LINGO2: variants seen among roughly 807,000 people sequenced by gnomAD.
LINGO2 encodes leucine rich repeat and Ig domain containing 2, also known as leucine-rich repeat and immunoglobulin-like domain-containing nogo receptor-interacting protein 2.
Under a neutral mutation model 30.6 loss-of-function variants are expected in LINGO2, and 14 were observed. The ratio of observed to expected loss-of-function variants is 0.46; its 90% CI spans 0.30 to 0.72. The LOEUF is 0.72. LINGO2 is among the 30% of genes least tolerant of loss of function. The pLI, the probability that LINGO2 is intolerant of heterozygous loss-of-function variation, is 0.07. For synonymous variants in LINGO2, 317 were observed against 288.5 expected, an observed-to-expected ratio of 1.10 and a Z score of -1.00; for missense variants, 729 against 751.7, an observed-to-expected ratio of 0.97 and a Z score of 0.35.
At chr9:28,172,144 C>A (rs1423751884) in intron 4 of LINGO2, among the ~76,000 whole-genome samples, 3 of 151,144 alleles carry the variant, frequency 2.0e-5, no homozygotes, top group Non-Finnish European at 4.4e-5. Flanking sequence ...GTAATCCCAG[C>A]ACTTTGGGAG....
intron 4 of LINGO2, among the ~76,000 whole-genome samples, chr9:28,097,130 A>T (rs530301467): frequency 6.6e-6 from 1 of 152,158 alleles, no homozygotes; most frequent in Non-Finnish European, 1.5e-5. Context: ...CAAAACCACA[A>T]TGAGATACCA....
chr9:28,482,338 T>A (rs2135228142), intron 1 of LINGO2, among the ~76,000 whole-genome samples: 1 of 152,270 alleles, frequency 6.6e-6, no homozygotes, highest in South Asian at 2.1e-4. Flanking sequence ...AGATGGTATC[T>A]CACTGTGGTT....
At chr9:28,908,115 T>A in the LINGO2 span, among the ~76,000 whole-genome samples, 2 of 149,582 alleles carry the variant, frequency 1.3e-5, no homozygotes, top group South Asian at 4.2e-4. Flanking sequence ...ATAGAAACTA[T>A]TACATCTTCA....
chr9:28,334,782 C>G (rs1185923612), intron 3 of LINGO2, among the ~76,000 whole-genome samples: 5 of 152,082 alleles, frequency 3.3e-5, no homozygotes, highest in Admixed American at 6.6e-5. Context: ...AGTCATGAAC[C>G]TGAAATGATC....
intron 2 of LINGO2, among the ~76,000 whole-genome samples, chr9:28,404,791 G>C (rs1192239961): frequency 6.6e-6 from 1 of 152,102 alleles, no homozygotes; most frequent in Non-Finnish European, 1.5e-5. Context: ...TGGCAAGGCT[G>C]AATAATTTCA....
At chr9:28,340,076 T>C (rs982768908) in intron 3 of LINGO2, among the ~76,000 whole-genome samples, 2 of 152,284 alleles carry the variant, frequency 1.3e-5, no homozygotes, top group East Asian at 3.9e-4. Flanking sequence ...ATATATACTA[T>C]TGTTTTGCCA....
intron 2 of LINGO2, among the ~76,000 whole-genome samples, chr9:28,464,165 T>A (rs1056263301): frequency 2.6e-5 from 4 of 152,190 alleles, no homozygotes; most frequent in South Asian, 4.1e-4. Context: ...TATTTTCCCA[T>A]GTAATTAAAT....
At chr9:28,848,379 GTGTGTGTGTGTGTGTGTGTA>G in the LINGO2 span, among the ~76,000 whole-genome samples, 1 of 52,640 alleles carries the variant, frequency 1.9e-5, no homozygotes, top group African/African-American at 5.6e-5. Context: ...GTGTGTGTGT[GTGTGTGTGTGTGTGTGTGTA>G]TATATATATA....
At chr9:28,636,305 G>C (rs963527392) in intron 1 of LINGO2, among the ~76,000 whole-genome samples, 1 of 152,114 alleles carries the variant, frequency 6.6e-6, no homozygotes, top group African/African-American at 2.4e-5. Context: ...TGTCTTTATA[G>C]CAGCATGTTT....
chr9:28,031,034 T>A (rs1211144458), intron 4 of LINGO2, among the ~76,000 whole-genome samples: 1 of 152,156 alleles, frequency 6.6e-6, no homozygotes, highest in African/African-American at 2.4e-5. Flanking sequence ...ATCTTATACT[T>A]TCCCAATTCT....
the LINGO2 span, among the ~76,000 whole-genome samples, chr9:28,993,457 T>A: frequency 3.9e-5 from 6 of 152,148 alleles, no homozygotes; most frequent in African/African-American, 1.4e-4. Flanking sequence ...ACTGGTAACA[T>A]TCCTTCTGAA....
chr9:28,178,717 A>C (rs533431457), intron 4 of LINGO2, among the ~76,000 whole-genome samples: 1 of 152,146 alleles, frequency 6.6e-6, no homozygotes, highest in South Asian at 2.1e-4. Context: ...CTGAGTTCTC[A>C]TGTTTTTATT....
chr9:28,860,985 T>C, the LINGO2 span, among the ~76,000 whole-genome samples: 5 of 123,888 alleles, frequency 4.0e-5, no homozygotes, highest in African/African-American at 6.4e-5. Flanking sequence ...TATAAATCTA[T>C]AATATATTAT....
chr9:28,751,059 G>A, the LINGO2 span, among the ~76,000 whole-genome samples: 1 of 151,744 alleles, frequency 6.6e-6, no homozygotes, highest in Non-Finnish European at 1.5e-5. Context: ...GAGAACAGGA[G>A]TTTGAGACCA....
chr9:28,154,537 G>A lies in LINGO2; in HGVS notation c.-87+140671C>T, dbSNP rs149112885. 3.9e-5 allele frequency among the ~76,000 whole-genome samples: 6 copies of A among 151,992 alleles called. No individual in the cohort carries two copies. The South Asian group carries it at 8.3e-4, about 21-fold the overall frequency. On this transcript the variant is annotated intron_variant, in intron 4 of 5. Transcript: ENST00000379992. The stretch of plus-strand genomic sequence containing the variant: ...ATTTTCCTGTAATGGAGGAAATGAG[G>A]GTTTATTCACAGAGTACTGTGTTTC...
At chr9:28,901,062 A>ACAATAAGAGACTAAAAGCATATTATG in the LINGO2 span, among the ~76,000 whole-genome samples, 1 of 152,300 alleles carries the variant, frequency 6.6e-6, no homozygotes, top group Admixed American at 6.5e-5. Flanking sequence ...AATCTTAAAA[A>ACAATAAGAGACTAAAAGCATATTATG]CAATAAGAGA....
chr9:28,837,649 A>AATATATATATATATATATATATATAT, the LINGO2 span, among the ~76,000 whole-genome samples: 155 of 75,756 alleles, frequency 2.0e-3, 14 homozygotes, highest in Non-Finnish European at 2.7e-3. Context: ...CTCCGTCTAA[A>AATATATATATATATATATATATATAT]ATATATATAT....
At chr9:28,457,823 G>A (rs1824914161) in intron 2 of LINGO2, among the ~76,000 whole-genome samples, 1 of 152,030 alleles carries the variant, frequency 6.6e-6, no homozygotes, top group African/African-American at 2.4e-5. Context: ...CACATTAATG[G>A]TCTCCTTTTC....
chr9:28,418,277 T>A (rs1823050427), intron 2 of LINGO2, among the ~76,000 whole-genome samples: 1 of 66,728 alleles, frequency 1.5e-5, no homozygotes, highest in Non-Finnish European at 3.8e-5. Flanking sequence ...GCCATGTACT[T>A]TTTTTTTTTT....
Sources: gnomAD v4.1 joint callset for allele counts (sites outside exome capture counted in the v4.1 genomes callset) on GRCh38, gnomAD v4.1.1 for gene constraint, MANE v1.5 for transcripts, NCBI Gene and HGNC (gene_info 2026-07-23, HGNC 2026-07-21) for gene names.